The following ARHGAP25 variants were observed in gnomAD, a reference collection of about 807,000 sequenced individuals.
The protein encoded by ARHGAP25 is Rho GTPase activating protein 25.
A neutral mutation model predicts 71.0 loss-of-function variants in ARHGAP25; 34 were observed. That is an observed-to-expected ratio of 0.48 (90% CI 0.36 to 0.64). ARHGAP25 has a LOEUF of 0.64. ARHGAP25 is among the 30% of genes least tolerant of loss of function. The pLI, the probability that ARHGAP25 is intolerant of heterozygous loss-of-function variation, is 0.00. For missense variants in ARHGAP25, 706 were observed against 805.1 expected, an observed-to-expected ratio of 0.88 and a Z score of 1.49; for synonymous variants, 282 against 296.5, an observed-to-expected ratio of 0.95 and a Z score of 0.50.
intron 2 of ARHGAP25, among the ~76,000 whole-genome samples, chr2:68,724,329 C>T (rs78679544): frequency 6.6e-6 from 1 of 152,212 alleles, no homozygotes; most frequent in Non-Finnish European, 1.5e-5. Context: ...AACATCTGGT[C>T]TCTAAGCTTA....
chr2:68,818,615 G>A (rs371177346), intron 8 of ARHGAP25, among the ~76,000 whole-genome samples: 17 of 152,310 alleles, frequency 1.1e-4, no homozygotes, highest in East Asian at 1.9e-4. Flanking sequence ...GGCGTGAGCC[G>A]CTGTGCCCAG....
At chr2:68,821,990 C>T (rs1191377909) in intron 9 of ARHGAP25, among the ~76,000 whole-genome samples, 3 of 126,542 alleles carry the variant, frequency 2.4e-5, no homozygotes, top group Non-Finnish European at 4.7e-5. Context: ...TTTTTTAGGT[C>T]ATGGAAATCA....
chr2:68,760,066 C>A (rs1474534013), intron 1 of ARHGAP25, among the ~76,000 whole-genome samples: 1 of 151,998 alleles, frequency 6.6e-6, no homozygotes. Flanking sequence ...TAATACATCT[C>A]ATTAACAGAA....
chr2:68,778,637 G>A (rs1349270518), intron 2 of ARHGAP25, among the ~76,000 whole-genome samples: 1 of 152,114 alleles, frequency 6.6e-6, no homozygotes, highest in African/African-American at 2.4e-5. Context: ...GTGTTGGTTG[G>A]TACAACCTTT....
chr2:68,719,705 A>G (rs1361437701), intron 2 of ARHGAP25, among the ~76,000 whole-genome samples: 1 of 152,278 alleles, frequency 6.6e-6, no homozygotes, highest in South Asian at 2.1e-4. Context: ...AGTGCCTGCT[A>G]TGACCCAGGC....
At chr2:68,774,802 C>G in intron 1 of ARHGAP25, 1 of 1,090,516 alleles carries the variant, frequency 9.2e-7, no homozygotes, top group Non-Finnish European at 1.1e-6. Context: ...GGACTCACCC[C>G]GAGCCTTCAG....
At chr2:68,818,262 C>A (rs538089940) in intron 8 of ARHGAP25, among the ~76,000 whole-genome samples, 1 of 152,290 alleles carries the variant, frequency 6.6e-6, no homozygotes, top group South Asian at 2.1e-4. Context: ...GTTTGTCAGT[C>A]TTTTATTACT....
intron 1 of ARHGAP25, among the ~76,000 whole-genome samples, chr2:68,737,541 C>T (rs1028676531): frequency 2.0e-5 from 3 of 152,132 alleles, no homozygotes; most frequent in Non-Finnish European, 4.4e-5. Context: ...ATAAAACTGT[C>T]TTTACATATA....
chr2:68,772,844 T>C (rs926819520), intron 1 of ARHGAP25, among the ~76,000 whole-genome samples: 6 of 152,242 alleles, frequency 3.9e-5, no homozygotes, highest in Non-Finnish European at 7.3e-5. Flanking sequence ...AGTTCTTAAC[T>C]GGGATGCTAA....
At chr2:68,766,358 A>C (rs111701733) in intron 1 of ARHGAP25, among the ~76,000 whole-genome samples, 1 of 152,172 alleles carries the variant, frequency 6.6e-6, no homozygotes, top group African/African-American at 2.4e-5. Context: ...CTGATTGCCA[A>C]ATCTCCACTT....
Position 68,826,447 on chromosome 2 carries a change from A to T in ARHGAP25, c.*253A>T. Reference sequence around the variant, plus strand: ...GTTTTATTCCATTCTGGTCTCAGGCATGACCACGTCCAGTGAAGACATTTG... The same window carrying T: ...GTTTTATTCCATTCTGGTCTCAGGCTTGACCACGTCCAGTGAAGACATTTG... On this transcript the variant is annotated 3_prime_UTR_variant, in exon 11 of 11. Transcript: ENST00000409202. 2.6e-5 allele frequency: 15 copies of T among 578,742 alleles called. No individual in the cohort carries two copies. In the South Asian group the frequency reaches 2.7e-4, roughly 10 times the overall value. 35.9% of individuals were successfully genotyped at this position (578,742 alleles called of 1,614,324 possible). A position where few individuals can be genotyped will look rare whatever the true frequency, so the allele number is the denominator to read the frequency against.
At chr2:68,756,280 A>G (rs1258839604) in intron 1 of ARHGAP25, among the ~76,000 whole-genome samples, 1 of 152,208 alleles carries the variant, frequency 6.6e-6, no homozygotes. Flanking sequence ...GAAAAAATGA[A>G]CCCTGTCCTA....
chr2:68,716,849 CT>C (rs1297184904), intron 2 of ARHGAP25, among the ~76,000 whole-genome samples: 1 of 152,188 alleles, frequency 6.6e-6, no homozygotes, highest in East Asian at 1.9e-4. Context: ...TCTCTTTACT[CT>C]TTGATCCTGG....
chr2:68,785,061 A>G (rs1014458363), intron 3 of ARHGAP25, among the ~76,000 whole-genome samples: 1 of 152,214 alleles, frequency 6.6e-6, no homozygotes, highest in Non-Finnish European at 1.5e-5. Flanking sequence ...AGCCTATTTC[A>G]TATGTTCAAG....
intron 1 of ARHGAP25, among the ~76,000 whole-genome samples, chr2:68,772,124 C>T (rs1215921631): frequency 6.6e-6 from 1 of 152,176 alleles, no homozygotes; most frequent in Non-Finnish European, 1.5e-5. Context: ...AACAAAATAC[C>T]AGCAACTAAT....
At chr2:68,717,425 T>C (rs1292051313) in intron 2 of ARHGAP25, among the ~76,000 whole-genome samples, 1 of 152,222 alleles carries the variant, frequency 6.6e-6, no homozygotes, top group African/African-American at 2.4e-5. Context: ...AGGCTTTTAC[T>C]GGCTCTAGAA....
intron 1 of ARHGAP25, among the ~76,000 whole-genome samples, chr2:68,739,833 A>AT (rs1393634230): frequency 6.6e-6 from 1 of 152,056 alleles, no homozygotes; most frequent in Non-Finnish European, 1.5e-5. Flanking sequence ...AATAATTGAC[A>AT]TTTTTTGTGT....
At chr2:68,782,927 C>G (rs1311226880) in intron 3 of ARHGAP25, among the ~76,000 whole-genome samples, 1 of 152,260 alleles carries the variant, frequency 6.6e-6, no homozygotes, top group Non-Finnish European at 1.5e-5. Context: ...CTCCCTGTCT[C>G]TTGCTCCTCT....
At chr2:68,736,171 G>A (rs1268164687) in intron 1 of ARHGAP25, among the ~76,000 whole-genome samples, 1 of 152,210 alleles carries the variant, frequency 6.6e-6, no homozygotes, top group Non-Finnish European at 1.5e-5. Context: ...AACCTCTAAT[G>A]GGGTTAAGTG....
Sources: allele counts gnomAD v4.1 joint callset (sites outside exome capture counted in the v4.1 genomes callset), GRCh38; gene constraint gnomAD v4.1.1; transcripts MANE v1.5; gene names NCBI Gene and HGNC (gene_info 2026-07-23, HGNC 2026-07-21).